PHKB: variants seen among roughly 807,000 people sequenced by gnomAD.
The protein encoded by PHKB is phosphorylase b kinase regulatory subunit beta.
Under a neutral mutation model 152.1 loss-of-function variants are expected in PHKB, and 122 were observed. The observed-to-expected ratio is 0.80, with a 90% CI of 0.69 to 0.93. The LOEUF is 0.93. Ranked by LOEUF, PHKB falls within the 40% of genes least tolerant of loss-of-function variation. The pLI is 0.00. For missense variants in PHKB, 1,304 were observed against 1,328.4 expected, an observed-to-expected ratio of 0.98 and a Z score of 0.29; for synonymous variants, 436 against 464.9, an observed-to-expected ratio of 0.94 and a Z score of 0.80.
intron 12 of PHKB, 105 bp from the exon 13 acceptor site, chr16:47,596,268 C>A (rs1374270879): frequency 4.9e-6 from 4 of 816,030 alleles, no homozygotes; most frequent in Non-Finnish European, 7.8e-6. Context: ...ATTAAAACTC[C>A]TTCCTTTATA....
chr16:47,680,626 C>A (rs1049338093), intron 26 of PHKB, among the ~76,000 whole-genome samples: 4 of 151,900 alleles, frequency 2.6e-5, no homozygotes, highest in East Asian at 1.9e-4. Context: ...CCCCTTTGTC[C>A]TTTTTTATTG....
chr16:47,671,495 A>G (rs1973637643), intron 26 of PHKB, among the ~76,000 whole-genome samples: 1 of 152,148 alleles, frequency 6.6e-6, no homozygotes, highest in Non-Finnish European at 1.5e-5. Context: ...CTTTATATTT[A>G]CCATGCTTTC....
intron 8 of PHKB, among the ~76,000 whole-genome samples, chr16:47,581,292 T>C (rs1268192136): frequency 6.6e-6 from 1 of 152,200 alleles, no homozygotes; most frequent in Non-Finnish European, 1.5e-5. Context: ...AGCACTCTTC[T>C]CATCCCAACT....
intron 26 of PHKB, chr16:47,675,670 C>G (rs1268280160): frequency 6.6e-6 from 1 of 152,150 alleles, no homozygotes; most frequent in Non-Finnish European, 1.5e-5. Flanking sequence ...CCCTGTAGGC[C>G]CAGTGGAATG....
intron 26 of PHKB, among the ~76,000 whole-genome samples, chr16:47,683,037 C>G (rs918338940): frequency 6.6e-6 from 1 of 152,320 alleles, no homozygotes; most frequent in East Asian, 1.9e-4. Flanking sequence ...CACTCCAGAC[C>G]CTCTTTGCCT....
chr16:47,532,148 A>T lies in PHKB; in HGVS notation c.595-15285A>T, dbSNP rs1463901257. Among the ~76,000 whole-genome samples, 4 of 152,258 alleles carry T rather than the reference A, an allele frequency of 2.6e-5. No homozygotes were observed. The East Asian group carries it at 7.7e-4, about 29-fold the overall frequency. The stretch of plus-strand genomic sequence containing the variant: ...AAACCCCGATCATATGCCACTTCAC[A>T]TGCATCAGACTTGTGTAACAAGAGT... On this transcript the variant is annotated intron_variant, in intron 6 of 30. Coordinates refer to ENST00000323584, the MANE Select transcript of PHKB (RefSeq NM_000293.3).
intron 7 of PHKB, chr16:47,565,400 G>A: frequency 8.6e-7 from 1 of 1,160,618 alleles, no homozygotes; most frequent in Non-Finnish European, 1.3e-6. Context: ...CCCACCACTT[G>A]TAGGGATTGC....
In PHKB at chr16:47,476,618, A is replaced by T. The variant is rs1404814916; in HGVS notation, c.76+15192A>T. On this transcript the variant is annotated intron_variant, in intron 1 of 30. Coordinates refer to ENST00000323584, the MANE Select transcript of PHKB (RefSeq NM_000293.3). Reference sequence around the variant, plus strand: ...TCTCATTTTCATTATATTGATACTTATACCTAAGACCTATACCAAATTTAA... The same window carrying T: ...TCTCATTTTCATTATATTGATACTTTTACCTAAGACCTATACCAAATTTAA... Among the ~76,000 whole-genome samples, 4 of 152,206 alleles carry T rather than the reference A, an allele frequency of 2.6e-5. No individual in the cohort carries two copies. The East Asian group carries it at 5.8e-4, about 22-fold the overall frequency.
intron 6 of PHKB, among the ~76,000 whole-genome samples, chr16:47,539,140 T>G (rs1435573497): frequency 6.6e-6 from 1 of 152,222 alleles, no homozygotes; most frequent in African/African-American, 2.4e-5. Context: ...CCATAGTTTC[T>G]TTTGAGAGTA....
chr16:47,479,004 GCTCT>G (rs1276768764), intron 1 of PHKB, among the ~76,000 whole-genome samples: 2 of 152,152 alleles, frequency 1.3e-5, no homozygotes, highest in Non-Finnish European at 2.9e-5. Flanking sequence ...TGCTTAACAA[GCTCT>G]GCATCCTTGA....
At position 47,511,710 on chromosome 16, in the gene PHKB, T is replaced by A; in HGVS notation, c.451T>A (p.Ser151Thr). 1 of 1,613,658 alleles carries A rather than the reference T, an allele frequency of 6.2e-7. No homozygotes were observed. The highest frequency in any genetic ancestry group is 1.1e-5 in the South Asian group (1 of 91,070). Residue 151 changes from serine (S) to threonine (T), a missense_variant, in exon 5 of 31, where the codon TCT becomes ACT. Transcript: ENST00000323584. Reference sequence around the variant, plus strand: ...TCCACGCCCAACAACATGTCTTCACTCTGTTTTCAATGTGCATACAGGAGA... The same window carrying A: ...TCCACGCCCAACAACATGTCTTCACACTGTTTTCAATGTGCATACAGGAGA... ...QDPRPTTCLH[S>T]VFNVHTGDEL...
At chr16:47,695,034 T>C (rs993533750) in intron 28 of PHKB, among the ~76,000 whole-genome samples, 1 of 152,214 alleles carries the variant, frequency 6.6e-6, no homozygotes, top group African/African-American at 2.4e-5. Flanking sequence ...TGCTTTGTTA[T>C]TAGTATTCCA....
chr16:47,645,637 T>A (rs1451365088), intron 16 of PHKB, among the ~76,000 whole-genome samples: 4 of 151,390 alleles, frequency 2.6e-5, no homozygotes, highest in Admixed American at 2.6e-4. Context: ...TAGTTTGAAG[T>A]CAGGTAGTGT....
chr16:47,557,556 A>G (rs577245628), intron 7 of PHKB, among the ~76,000 whole-genome samples: 1 of 152,224 alleles, frequency 6.6e-6, no homozygotes, highest in African/African-American at 2.4e-5. Flanking sequence ...AAACAACCCC[A>G]TCAAAAAGTG....
intron 1 of PHKB, chr16:47,463,891 T>C: frequency 6.2e-7 from 1 of 1,609,874 alleles, no homozygotes; most frequent in Non-Finnish European, 8.5e-7. Context: ...GTTTTAAAAT[T>C]GCTATAGCTT....
At chr16:47,554,435 G>A (rs1443079565) in intron 7 of PHKB, among the ~76,000 whole-genome samples, 2 of 152,184 alleles carry the variant, frequency 1.3e-5, no homozygotes, top group African/African-American at 2.4e-5. Flanking sequence ...CAAGCCAGTG[G>A]ATCTTAGCTT....
At chr16:47,617,687 G>T (rs1038781033) in intron 14 of PHKB, among the ~76,000 whole-genome samples, 1 of 152,138 alleles carries the variant, frequency 6.6e-6, no homozygotes, top group African/African-American at 2.4e-5. Flanking sequence ...ATATATTAGT[G>T]TGATAAGTGG....
At chr16:47,630,053 A>G (rs1036307409) in intron 14 of PHKB, among the ~76,000 whole-genome samples, 1 of 152,048 alleles carries the variant, frequency 6.6e-6, no homozygotes, top group Non-Finnish European at 1.5e-5. Flanking sequence ...GGGGATGGCA[A>G]TGGGAGATAT....
intron 20 of PHKB, among the ~76,000 whole-genome samples, chr16:47,659,337 C>T (rs1973396680): frequency 6.6e-6 from 1 of 152,146 alleles, no homozygotes; most frequent in Non-Finnish European, 1.5e-5. Flanking sequence ...TGTTTCTTCA[C>T]ATTTGAGATG....
Sources: allele counts gnomAD v4.1 joint callset (sites outside exome capture counted in the v4.1 genomes callset), GRCh38; gene constraint gnomAD v4.1.1; transcripts MANE v1.5; gene names NCBI Gene and HGNC (gene_info 2026-07-23, HGNC 2026-07-21).